PLEKHM3: variants seen among roughly 807,000 people sequenced by gnomAD.
The protein encoded by PLEKHM3 is pleckstrin homology domain-containing family M member 3.
In PLEKHM3, 45 loss-of-function variants were observed where a neutral mutation model predicts 81.8. The ratio of observed to expected loss-of-function variants is 0.55; its 90% CI spans 0.43 to 0.71. PLEKHM3 has a LOEUF of 0.71. PLEKHM3 is among the 30% of genes least tolerant of loss of function. The pLI is 0.00. For synonymous variants in PLEKHM3, 352 were observed against 356.4 expected (o/e 0.99, Z 0.14); for missense variants, 788 against 924.3 (o/e 0.85, Z 1.91).
intron 6 of PLEKHM3, among the ~76,000 whole-genome samples, chr2:207,894,459 G>C (rs1033474021): frequency 6.6e-6 from 1 of 151,532 alleles, no homozygotes; most frequent in African/African-American, 2.4e-5. Context: ...GGCACTCCAG[G>C]GCTAATGATG....
intron 3 of PLEKHM3, among the ~76,000 whole-genome samples, chr2:207,967,132 A>G (rs141833149): frequency 1.0e-3 from 153 of 152,256 alleles, no homozygotes; most frequent in Middle Eastern, 3.4e-3. Flanking sequence ...TACTACAGGC[A>G]TCAGCCACCA....
chr2:207,873,974 T>G (rs1304235338), intron 6 of PLEKHM3, among the ~76,000 whole-genome samples: 2 of 152,334 alleles, frequency 1.3e-5, no homozygotes, highest in East Asian at 3.9e-4. Context: ...TTTATTAGCC[T>G]GTATATCATT....
intron 7 of PLEKHM3, among the ~76,000 whole-genome samples, chr2:207,834,853 A>T (rs1226566377): frequency 6.6e-6 from 1 of 152,056 alleles, no homozygotes; most frequent in Non-Finnish European, 1.5e-5. Context: ...TACCTGGGCC[A>T]TCTAACAAAG....
chr2:207,934,457 T>C (rs928548383), intron 4 of PLEKHM3, among the ~76,000 whole-genome samples: 2 of 152,240 alleles, frequency 1.3e-5, no homozygotes, highest in African/African-American at 4.8e-5. Context: ...TTATTAATTA[T>C]ATTCCTTCTA....
intron 7 of PLEKHM3, among the ~76,000 whole-genome samples, chr2:207,828,836 G>T (rs923609307): frequency 6.6e-6 from 1 of 152,178 alleles, no homozygotes; most frequent in Non-Finnish European, 1.5e-5. Flanking sequence ...AGAGTGAAAT[G>T]ACAGAAAATG....
chr2:207,964,525 T>C (rs1270624458), intron 3 of PLEKHM3, among the ~76,000 whole-genome samples: 1 of 152,156 alleles, frequency 6.6e-6, no homozygotes, highest in Non-Finnish European at 1.5e-5. Flanking sequence ...GGAGAAATGT[T>C]CGATTATATC....
At chr2:207,889,465 A>ACC (rs1398025194) in intron 6 of PLEKHM3, among the ~76,000 whole-genome samples, 6 of 117,368 alleles carry the variant, frequency 5.1e-5, no homozygotes, top group African/African-American at 1.8e-4. Context: ...ACACACACAC[A>ACC]CACACACACA....
At chr2:208,021,974 C>A (rs1352892021) in intron 1 of PLEKHM3, among the ~76,000 whole-genome samples, 2 of 152,090 alleles carry the variant, frequency 1.3e-5, no homozygotes, top group Non-Finnish European at 2.9e-5. Context: ...TATGTTTTTT[C>A]CTAAATAAAG....
At chr2:207,850,088 C>G (rs1488232309) in intron 7 of PLEKHM3, among the ~76,000 whole-genome samples, 1 of 152,160 alleles carries the variant, frequency 6.6e-6, no homozygotes, top group East Asian at 1.9e-4. Context: ...CAGGAGGCAA[C>G]TCGCTTTCTA....
intron 2 of PLEKHM3, among the ~76,000 whole-genome samples, chr2:207,990,330 C>T (rs917921252): frequency 6.6e-6 from 1 of 152,154 alleles, no homozygotes; most frequent in Non-Finnish European, 1.5e-5. Flanking sequence ...AGCCTCCTGA[C>T]CATCTCATAC....
intron 7 of PLEKHM3, among the ~76,000 whole-genome samples, chr2:207,832,562 C>A (rs1025576793): frequency 6.8e-6 from 1 of 146,984 alleles, no homozygotes; most frequent in Non-Finnish European, 1.5e-5. Context: ...GAGGCTGAGG[C>A]AGGTGGATCA....
chr2:207,899,761 AAT>A, intron 6 of PLEKHM3, among the ~76,000 whole-genome samples: 1 of 152,324 alleles, frequency 6.6e-6, no homozygotes. Context: ...AGTGTTAAGA[AAT>A]GTCACAGTTG....
chr2:207,868,077 T>C (rs1177709798), intron 6 of PLEKHM3, among the ~76,000 whole-genome samples: 2 of 152,154 alleles, frequency 1.3e-5, no homozygotes, highest in African/African-American at 2.4e-5. Context: ...AACTCTGCTA[T>C]GTCAACCCTA....
rs1008930136 is a variant in PLEKHM3 at position 207,936,341 on chromosome 2, T to C, written c.1693-5222A>G. 2.6e-5 allele frequency among the ~76,000 whole-genome samples: 4 copies of C among 152,194 alleles called. No homozygotes were observed. The East Asian group carries it at 5.8e-4, about 22-fold the overall frequency. On this transcript the variant is annotated intron_variant, in intron 4 of 7. Transcript: ENST00000427836. ...AGAGCATCCATAAGGGCAGAAACTA[T>C]ATCCCCAGTGCCTAGAACAGTGAGC... is the stretch of plus-strand genomic sequence containing the variant.
intron 7 of PLEKHM3, among the ~76,000 whole-genome samples, chr2:207,837,756 CT>C (rs2092328078): frequency 6.3e-5 from 5 of 79,232 alleles, no homozygotes; most frequent in African/African-American, 2.2e-4. Flanking sequence ...CTGGCCGGTT[CT>C]TCCATTTTTT....
chr2:207,949,596 T>C (rs541219897), intron 3 of PLEKHM3, among the ~76,000 whole-genome samples: 31 of 152,314 alleles, frequency 2.0e-4, no homozygotes, highest in African/African-American at 6.5e-4. Context: ...CAGAGTTCAG[T>C]GGAACTTAAT....
At chr2:207,991,903 T>C (rs926771313) in intron 2 of PLEKHM3, among the ~76,000 whole-genome samples, 2 of 152,218 alleles carry the variant, frequency 1.3e-5, no homozygotes, top group African/African-American at 4.8e-5. Flanking sequence ...AAGTGCTCAA[T>C]AGTTATCTGT....
intron 1 of PLEKHM3, among the ~76,000 whole-genome samples, chr2:208,013,347 C>T (rs1238908038): frequency 6.6e-6 from 1 of 152,058 alleles, no homozygotes; most frequent in Admixed American, 6.6e-5. Context: ...GAAACCCCAT[C>T]TCTACTAAAA....
intron 7 of PLEKHM3, among the ~76,000 whole-genome samples, chr2:207,832,437 TA>T (rs1392617938): frequency 6.6e-6 from 1 of 152,194 alleles, no homozygotes; most frequent in Non-Finnish European, 1.5e-5. Context: ...ATATTTACAT[TA>T]AAAAATGTAA....
Sources: allele counts gnomAD v4.1 joint callset (sites outside exome capture counted in the v4.1 genomes callset), GRCh38; gene constraint gnomAD v4.1.1; transcripts MANE v1.5; gene names NCBI Gene and HGNC (gene_info 2026-07-23, HGNC 2026-07-21).